Variants in ZHX3 observed in about 807,000 individuals in gnomAD.
The protein encoded by ZHX3 is zinc fingers and homeoboxes 3.
ZHX3 carries 20 observed loss-of-function variants against 64.5 expected under a neutral mutation model. The observed-to-expected ratio is 0.31, with a 90% CI of 0.22 to 0.45. The LOEUF (loss-of-function observed/expected upper bound fraction) is 0.45. Among genes scored for constraint, ZHX3 ranks in the 20% least tolerant of loss-of-function variants. The pLI, the probability that ZHX3 is intolerant of heterozygous loss-of-function variation, is 1.00. For synonymous variants in ZHX3, 423 were observed against 461.6 expected, an observed-to-expected ratio of 0.92 and a Z score of 1.07; for missense variants, 1,041 against 1,195.8, an observed-to-expected ratio of 0.87 and a Z score of 1.91.
At chr20:41,256,184 A>G (rs1046174269) in intron 2 of ZHX3, among the ~76,000 whole-genome samples, 14 of 152,160 alleles carry the variant, frequency 9.2e-5, no homozygotes, top group Admixed American at 2.0e-4. Flanking sequence ...TGAGTGAGGT[A>G]GGTGTGCTGG....
At chr20:41,262,813 T>C (rs1407237179) in intron 2 of ZHX3, among the ~76,000 whole-genome samples, 1 of 151,278 alleles carries the variant, frequency 6.6e-6, no homozygotes, top group East Asian at 1.9e-4. Flanking sequence ...AGAACAAACA[T>C]TAAGGGGTGA....
Position 41,203,581 on chromosome 20 carries a change from T to C in ZHX3, c.1336A>G (p.Thr446Ala). 6.2e-7 allele frequency: 1 copy of C among 1,614,204 alleles called. No homozygotes were observed. The highest frequency in any genetic ancestry group is 8.5e-7 in the Non-Finnish European group (1 of 1,180,036). ...LQATSSPLPL[T>A]VTSVPKQPGV... ...GGCTGCTTGGGGACGGATGTCACCGTGAGGGGGAGAGGGGAACTTGTTGCT... is the reference window on the plus strand; with the variant it reads ...GGCTGCTTGGGGACGGATGTCACCGCGAGGGGGAGAGGGGAACTTGTTGCT... Residue 446 changes from threonine to alanine, a missense_variant, in exon 3 of 4, where the codon ACG becomes GCG. This residue lies in a region of ZHX3 where 649 missense variants were observed against 739.8 expected (regional missense o/e 0.88). Transcript: ENST00000683867. The surrounding 1 kb of genome is among the most constrained non-coding windows in gnomAD (Gnocchi z 7.1).
rs192473463 is a variant in ZHX3, at chr20:41,250,684, T to C, written c.-151+18306A>G. ...TTTGCTGAAGGACATAAACCTAGAT[T>C]CAGAAGGTGAACATATCCCAAATAG... is the stretch of plus-strand genomic sequence containing the variant. On this transcript the variant is annotated intron_variant, in intron 2 of 3. Coordinates refer to ENST00000683867, the MANE Select transcript of ZHX3 (RefSeq NM_001384317.1). 5.1e-4 allele frequency among the ~76,000 whole-genome samples: 77 copies of C among 152,298 alleles called. 1 individual carries two copies. The highest frequency in any genetic ancestry group is 4.8e-3 in the East Asian group (25 of 5,194).
intron 1 of ZHX3, among the ~76,000 whole-genome samples, chr20:41,282,672 C>T (rs534842436): frequency 5.9e-5 from 9 of 152,192 alleles, no homozygotes; most frequent in East Asian, 5.8e-4. Context: ...ATTCATCTTT[C>T]GATGCCTCTA....
Position 41,219,596 on chromosome 20 carries a change from C to T in ZHX3, c.-150-14530G>A, listed in dbSNP as rs1374403440. On this transcript the variant is annotated intron_variant, in intron 2 of 3. Coordinates refer to ENST00000683867, the MANE Select transcript of ZHX3 (RefSeq NM_001384317.1). The surrounding 1 kb of genome is among the most constrained non-coding windows in gnomAD (Gnocchi z 5.0). ...TTTATTTGCTAAATTTGTTTTTTCT[C>T]TCAAATAGAGTTGAGGACTTACTAT... is the stretch of plus-strand genomic sequence containing the variant. Among the ~76,000 whole-genome samples the T allele has an allele frequency of 6.6e-6, 1 of 152,220 alleles. No homozygotes were observed. The highest frequency in any genetic ancestry group is 1.9e-4 in the East Asian group (1 of 5,202).
In ZHX3 at chr20:41,277,912, A is replaced by T. The variant is rs1396551537; in HGVS notation, c.-244-8829T>A. On this transcript the variant is annotated intron_variant, in intron 1 of 3. Transcript: ENST00000683867. ...GGCCCCCTCCATGTCAAATATTTTA[A>T]GCATGTTTTAAATGCAGAAAGTATA... is the stretch of plus-strand genomic sequence containing the variant. 1.4e-5 allele frequency among the ~76,000 whole-genome samples: 2 copies of T among 139,836 alleles called. 1 individual carries two copies. Among genetic ancestry groups the T allele is most frequent in the African/African-American group, 5.4e-5 (2 of 37,194 alleles). The allele number at this position is 139,836 out of a possible 152,430, so 91.7% of individuals were successfully genotyped here.
intron 2 of ZHX3, among the ~76,000 whole-genome samples, chr20:41,218,956 G>A (rs757409147): frequency 5.8e-5 from 8 of 137,886 alleles, no homozygotes; most frequent in Non-Finnish European, 1.1e-4. Context: ...TTGAGACGGA[G>A]TCTCGCTCTG....
chr20:41,309,972 G>A (rs183873550), intron 1 of ZHX3, among the ~76,000 whole-genome samples: 33 of 152,174 alleles, frequency 2.2e-4, no homozygotes, highest in East Asian at 1.7e-3. Flanking sequence ...CCACTCATGC[G>A]TCCCTCTCTA....
intron 2 of ZHX3, among the ~76,000 whole-genome samples, chr20:41,261,139 T>C (rs1332789311): frequency 1.3e-5 from 2 of 151,946 alleles, no homozygotes; most frequent in African/African-American, 4.8e-5. Flanking sequence ...CCCTGGGACA[T>C]GACCTGGAAA....
intron 2 of ZHX3, among the ~76,000 whole-genome samples, chr20:41,266,844 CTTTTTTT>C (rs11327834): frequency 1.3e-5 from 1 of 76,464 alleles, no homozygotes; most frequent in African/African-American, 4.1e-5. Context: ...CGTGCCCGGC[CTTTTTTT>C]TTTTTTTTTT....
At chr20:41,221,211 G>A (rs1230572762) in intron 2 of ZHX3, among the ~76,000 whole-genome samples, 1 of 152,112 alleles carries the variant, frequency 6.6e-6, no homozygotes, top group Non-Finnish European at 1.5e-5. Context: ...TCCAGATGTA[G>A]TCTGAGCGTA....
At chr20:41,194,780 G>A (rs1011844820) in intron 3 of ZHX3, among the ~76,000 whole-genome samples, 7 of 152,124 alleles carry the variant, frequency 4.6e-5, no homozygotes, top group Non-Finnish European at 8.8e-5. Flanking sequence ...TTGATTTTGG[G>A]AGAGTGCGGG....
chr20:41,253,716 T>A (rs2042099786), intron 2 of ZHX3, among the ~76,000 whole-genome samples: 1 of 152,112 alleles, frequency 6.6e-6, no homozygotes, highest in South Asian at 2.1e-4. Context: ...AATGCACACA[T>A]CTTACTTCCA....
At chr20:41,260,821 T>A (rs760359276) in intron 2 of ZHX3, among the ~76,000 whole-genome samples, 4 of 152,144 alleles carry the variant, frequency 2.6e-5, no homozygotes, top group African/African-American at 9.7e-5. Context: ...GATGAGAAAA[T>A]TGAGGCACAA....
chr20:41,190,082 G>A (rs908066539), intron 3 of ZHX3, among the ~76,000 whole-genome samples: 1 of 151,646 alleles, frequency 6.6e-6, no homozygotes, highest in African/African-American at 2.4e-5. Flanking sequence ...CACGATTTTT[G>A]CTCTTCATTC....
chr20:41,233,629 C>T (rs1309719615), intron 2 of ZHX3, among the ~76,000 whole-genome samples: 3 of 152,112 alleles, frequency 2.0e-5, no homozygotes, highest in Non-Finnish European at 4.4e-5. Context: ...TGGATAGATA[C>T]GGGTGTAAAT....
intron 2 of ZHX3, among the ~76,000 whole-genome samples, chr20:41,208,973 G>C (rs977841011): frequency 2.0e-5 from 3 of 152,180 alleles, no homozygotes; most frequent in Non-Finnish European, 4.4e-5. Flanking sequence ...TCCTTAAGCT[G>C]ATAAGCAACT....
chr20:41,310,517 G>C (rs2045100100), intron 1 of ZHX3, among the ~76,000 whole-genome samples: 1 of 152,050 alleles, frequency 6.6e-6, no homozygotes, highest in African/African-American at 2.4e-5. Flanking sequence ...TGAGTCTACT[G>C]TTCACTTGGT....
At chr20:41,253,702 A>G (rs1313557743) in intron 2 of ZHX3, among the ~76,000 whole-genome samples, 1 of 152,156 alleles carries the variant, frequency 6.6e-6, no homozygotes, top group Non-Finnish European at 1.5e-5. Flanking sequence ...TTTAACTACA[A>G]TAAAATGCAC....
Sources: gnomAD v4.1 joint callset for allele counts (sites outside exome capture counted in the v4.1 genomes callset) on GRCh38, gnomAD v4.1.1 for gene constraint, gnomAD v4.1.1 regional missense constraint, Gnocchi (gnomAD v3.1) non-coding constraint, MANE v1.5 for transcripts, NCBI Gene and HGNC (gene_info 2026-07-23, HGNC 2026-07-21) for gene names.